Variants in NECTIN1 observed in about 807,000 individuals in gnomAD.
NECTIN1 encodes nectin-1.
NECTIN1 carries 23 observed loss-of-function variants against 48.0 expected under a neutral mutation model. The ratio of observed to expected loss-of-function variants is 0.48; its 90% confidence interval spans 0.34 to 0.68. The LOEUF is 0.68. NECTIN1 is among the 30% of genes least tolerant of loss of function. The pLI, the probability that NECTIN1 is intolerant of heterozygous loss-of-function variation, is 0.01. For missense variants in NECTIN1, 591 were observed against 709.9 expected (o/e 0.83, Z 1.90); for synonymous variants, 270 against 288.9 (o/e 0.93, Z 0.66).
chr11:119,650,479 C>T (rs1864473192), intron 5 of NECTIN1, among the ~76,000 whole-genome samples: 1 of 152,260 alleles, frequency 6.6e-6, no homozygotes. Context: ...AGGTTTCACC[C>T]TACCTGGGGC....
chr11:119,725,245 C>T (rs1216473379), intron 1 of NECTIN1, among the ~76,000 whole-genome samples: 8 of 152,138 alleles, frequency 5.3e-5, no homozygotes, highest in East Asian at 1.9e-4. Context: ...CAGCAGAGTC[C>T]GGGGGTCAAA....
rs778554225 is a variant in NECTIN1 at position 119,663,660 on chromosome 11, C to T, written c.*1087G>A. 2,132 of 985,580 alleles carry T rather than the reference C, an allele frequency of 2.2e-3. No homozygotes were observed. The highest frequency in any genetic ancestry group is 2.5e-3 in the Non-Finnish European group (2,073 of 829,956). The allele number at this position is 985,580 out of a possible 1,614,324, so 61.1% of individuals were successfully genotyped here. On this transcript the variant is annotated 3_prime_UTR_variant, in exon 6 of 6. Coordinates refer to ENST00000264025, the MANE Select transcript of NECTIN1 (RefSeq NM_002855.5). ...TTACCTCTGACTCCTGCAGGTGGAT[C>T]CCCCTGGGATCCCAGCCCTGACTAG...
intron 4 of NECTIN1, chr11:119,675,622 C>T (rs1229086668): frequency 1.8e-5 from 6 of 330,644 alleles, no homozygotes; most frequent in African/African-American, 4.2e-5. Flanking sequence ...GGAGCTCCAG[C>T]CAATTCTCGG....
intron 1 of NECTIN1, among the ~76,000 whole-genome samples, chr11:119,679,308 C>T (rs938600265): frequency 1.9e-4 from 29 of 152,128 alleles, no homozygotes; most frequent in South Asian, 4.1e-4. Flanking sequence ...GCGTGATGGA[C>T]GAGAAGGTGC....
chr11:119,680,961 T>A (rs558382092), intron 1 of NECTIN1, among the ~76,000 whole-genome samples: 2 of 152,322 alleles, frequency 1.3e-5, no homozygotes, highest in Non-Finnish European at 2.9e-5. Context: ...CCGTGGCCAG[T>A]CACCTCCCCT....
rs544064504 is a variant in NECTIN1 at position 119,650,619 on chromosome 11, C to T, written c.1004-10607G>A. On this transcript the variant is annotated intron_variant, in intron 5 of 7. Transcript: ENST00000341398. The stretch of plus-strand genomic sequence containing the variant: ...ATGGCTCTGCCCTTCACAGTTTCTA[C>T]GGCAGCAGGCAGAGGGTAGGGTTGC... 4.7e-4 allele frequency among the ~76,000 whole-genome samples: 71 copies of T among 152,300 alleles called. 1 individual carries two copies. The highest frequency in any genetic ancestry group is 2.7e-3 in the East Asian group (14 of 5,186).
intron 5 of NECTIN1, among the ~76,000 whole-genome samples, chr11:119,654,549 C>T (rs66512483): frequency 0.18 from 3,506 of 19,372 alleles, 80 homozygotes; most frequent in African/African-American, 0.28. Flanking sequence ...TGTGTGTGTG[C>T]GTGTGTGTGT....
chr11:119,710,138 C>T (rs906985833), intron 1 of NECTIN1: 1 of 152,190 alleles, frequency 6.6e-6, no homozygotes, highest in Non-Finnish European at 1.5e-5. Context: ...GGGGCAGCCA[C>T]AGCTTTCCAT....
intron 1 of NECTIN1, among the ~76,000 whole-genome samples, chr11:119,701,970 C>T (rs921853032): frequency 6.6e-6 from 1 of 152,182 alleles, no homozygotes; most frequent in South Asian, 2.1e-4. Context: ...GCTCCAGGGG[C>T]GACAGTTGTA....
chr11:119,638,920 G>A, intron 6 of NECTIN1: 2 of 906,860 alleles, frequency 2.2e-6, no homozygotes. Context: ...AGGCCCGGGA[G>A]CTCTGCTTCC....
At chr11:119,656,188 G>A (rs1385286479), downstream of NECTIN1, 2 of 152,180 alleles carry the variant, frequency 1.3e-5, no homozygotes, top group Non-Finnish European at 2.9e-5. Context: ...GAGCCACCAC[G>A]CCCAGCTAAA....
intron 1 of NECTIN1, among the ~76,000 whole-genome samples, chr11:119,714,449 G>A (rs767537156): frequency 3.3e-5 from 5 of 152,078 alleles, no homozygotes; most frequent in Non-Finnish European, 7.4e-5. Flanking sequence ...CTCCTTCCAC[G>A]AGTCACCACA....
intron 6 of NECTIN1, chr11:119,639,824 G>C: frequency 1.9e-6 from 3 of 1,613,616 alleles, no homozygotes; most frequent in Non-Finnish European, 2.5e-6. Context: ...CTGGGGAGCA[G>C]ACCAGTGGGA....
chr11:119,678,619 G>C lies in NECTIN1; in HGVS notation c.226C>G (p.Gln76Glu), dbSNP rs778591472. ...TWQKSTNGSK[Q>E]NVAIYNPSMG... is the part of the protein sequence containing the mutation. Reference sequence around the variant, plus strand: ...GATGGGTTGTAGATGGCCACGTTCTGCTTGGAGCCATTGGTGGACTTCTGC... The same window carrying C: ...GATGGGTTGTAGATGGCCACGTTCTCCTTGGAGCCATTGGTGGACTTCTGC... Residue 76 changes from glutamine to glutamate, a missense_variant, in exon 2 of 6, where the codon CAG becomes GAG. Physicochemically the swap from Gln to Glu is conservative, Grantham distance 29. Transcript: ENST00000264025. The surrounding 1 kb of genome is among the most constrained non-coding windows in gnomAD (Gnocchi z 4.4). The C allele has an allele frequency of 1.6e-5, 26 of 1,614,054 alleles. No individual in the cohort carries two copies. Among genetic ancestry groups the C allele is most frequent in the Non-Finnish European group, 1.9e-5 (23 of 1,180,040 alleles).
At chr11:119,700,392 T>C (rs1228093068) in intron 1 of NECTIN1, among the ~76,000 whole-genome samples, 1 of 152,226 alleles carries the variant, frequency 6.6e-6, no homozygotes, top group Non-Finnish European at 1.5e-5. Context: ...CAGGTACTAA[T>C]ACCATTGCTG....
intron 5 of NECTIN1, among the ~76,000 whole-genome samples, chr11:119,666,594 G>T (rs150719528): frequency 6.6e-6 from 1 of 152,246 alleles, no homozygotes; most frequent in Non-Finnish European, 1.5e-5. Context: ...AGCTGGCCTC[G>T]GTCAGAGCCA....
At chr11:119,697,477 T>C (rs1865361909) in intron 1 of NECTIN1, among the ~76,000 whole-genome samples, 1 of 152,174 alleles carries the variant, frequency 6.6e-6, no homozygotes, top group Admixed American at 6.5e-5. Flanking sequence ...TAAAAATAAA[T>C]ACTGGTGGTC....
chr11:119,683,255 A>G lies in NECTIN1; in HGVS notation c.80-4490T>C, dbSNP rs1865091486. Among the ~76,000 whole-genome samples the G allele has an allele frequency of 6.6e-6, 1 of 152,214 alleles. No homozygotes were observed. The highest frequency in any genetic ancestry group is 2.1e-4 in the South Asian group (1 of 4,830). On this transcript the variant is annotated intron_variant, in intron 1 of 5. Coordinates refer to ENST00000264025, the MANE Select transcript of NECTIN1 (RefSeq NM_002855.5). The surrounding 1 kb of genome is among the most constrained non-coding windows in gnomAD (Gnocchi z 4.0). ...GAACTGGGACCACTAAAATGGTAGC[A>G]TATTGGAGCTTGATGGACCATGCAA...
chr11:119,688,031 G>C (rs541482026), intron 1 of NECTIN1, among the ~76,000 whole-genome samples: 16 of 152,292 alleles, frequency 1.1e-4, no homozygotes, highest in African/African-American at 3.6e-4. Flanking sequence ...ATGGCAGCGG[G>C]GGGAGGGGTA....
Sources: allele counts gnomAD v4.1 joint callset (sites outside exome capture counted in the v4.1 genomes callset), GRCh38; gene constraint gnomAD v4.1.1; non-coding constraint Gnocchi (gnomAD v3.1); transcripts MANE v1.5; gene names NCBI Gene and HGNC (gene_info 2026-07-23, HGNC 2026-07-21).